The following PRELID2 variants were observed in gnomAD, a reference collection of about 807,000 sequenced individuals.
The protein encoded by PRELID2 is PRELI domain-containing protein 2.
PRELID2 carries 25 observed loss-of-function variants against 28.4 expected under a neutral mutation model. That is an observed-to-expected ratio of 0.88 (90% CI 0.64 to 1.23). The LOEUF (loss-of-function observed/expected upper bound fraction) is 1.23. Among genes scored for constraint, PRELID2 ranks in the 50% most tolerant of loss-of-function variants. PRELID2 has a pLI of 0.00. For synonymous variants in PRELID2, 76 were observed against 71.6 expected (o/e 1.06, Z -0.31); for missense variants, 201 against 214.4 (o/e 0.94, Z 0.39).
chr5:145,441,102 G>A, the PRELID2 span: 1 of 152,128 alleles, frequency 6.6e-6, no homozygotes, highest in African/African-American at 2.4e-5. Context: ...AAACGGCTGA[G>A]TCTTTCTACC....
At chr5:145,762,188 T>C (rs1328646304) in intron 6 of PRELID2, among the ~76,000 whole-genome samples, 1 of 152,218 alleles carries the variant, frequency 6.6e-6, no homozygotes, top group Non-Finnish European at 1.5e-5. Flanking sequence ...GCAACTGTCC[T>C]GTACTAAACT....
the PRELID2 span, among the ~76,000 whole-genome samples, chr5:145,441,473 C>T: frequency 1.3e-5 from 2 of 152,094 alleles, no homozygotes; most frequent in Admixed American, 1.3e-4. Context: ...TTCCACATTA[C>T]AAACTGAGTG....
chr5:145,359,160 T>C, the PRELID2 span, among the ~76,000 whole-genome samples: 4 of 152,236 alleles, frequency 2.6e-5, no homozygotes, highest in African/African-American at 7.2e-5. Context: ...CCAATTATAA[T>C]CTTTGATTAA....
intron 1 of PRELID2, among the ~76,000 whole-genome samples, chr5:145,735,187 G>A (rs1756460516): frequency 1.3e-5 from 2 of 150,560 alleles, no homozygotes; most frequent in South Asian, 4.2e-4. Context: ...AGAAGTTGCA[G>A]TGAGTTGAGA....
chr5:145,239,160 A>G, the PRELID2 span, among the ~76,000 whole-genome samples: 1 of 152,058 alleles, frequency 6.6e-6, no homozygotes, highest in Admixed American at 6.6e-5. Flanking sequence ...CCGAACTGTA[A>G]TTTCTTCAGC....
At chr5:145,454,171 A>G in the PRELID2 span, among the ~76,000 whole-genome samples, 1 of 152,188 alleles carries the variant, frequency 6.6e-6, no homozygotes, top group Non-Finnish European at 1.5e-5. Flanking sequence ...CTGGTGTGAG[A>G]TGGCATCTCA....
intron 1 of PRELID2, among the ~76,000 whole-genome samples, chr5:145,626,187 A>C (rs1753842202): frequency 6.6e-6 from 1 of 152,208 alleles, no homozygotes; most frequent in African/African-American, 2.4e-5. Flanking sequence ...AATGGGACTT[A>C]ATTAAACTTA....
At chr5:145,286,858 T>A in the PRELID2 span, among the ~76,000 whole-genome samples, 6 of 152,116 alleles carry the variant, frequency 3.9e-5, no homozygotes, top group East Asian at 1.2e-3. Context: ...TACAGGCATG[T>A]GCCACAGCAC....
At chr5:145,557,546 T>G (rs1184288589) in intron 1 of PRELID2, among the ~76,000 whole-genome samples, 1 of 152,134 alleles carries the variant, frequency 6.6e-6, no homozygotes, top group African/African-American at 2.4e-5. Flanking sequence ...GTGAATGACC[T>G]GGGTTGTCAA....
chr5:145,741,841 A>G (rs1270013414), intron 1 of PRELID2, among the ~76,000 whole-genome samples: 3 of 81,606 alleles, frequency 3.7e-5, no homozygotes, highest in African/African-American at 1.5e-4. Context: ...TATAATAAAT[A>G]TATAAAACAT....
chr5:145,536,444 A>G (rs1409710482), intron 1 of PRELID2, among the ~76,000 whole-genome samples: 2 of 151,924 alleles, frequency 1.3e-5, no homozygotes, highest in African/African-American at 2.4e-5. Flanking sequence ...ACTTTGTACA[A>G]CGAGTTCAAA....
chr5:145,619,927 C>T (rs1286702908), intron 1 of PRELID2, among the ~76,000 whole-genome samples: 5 of 152,098 alleles, frequency 3.3e-5, no homozygotes, highest in Non-Finnish European at 5.9e-5. Flanking sequence ...AACATACCCA[C>T]CAGATGGGCT....
the PRELID2 span, among the ~76,000 whole-genome samples, chr5:145,443,005 T>A: frequency 1.3e-5 from 2 of 151,964 alleles, no homozygotes; most frequent in African/African-American, 4.8e-5. Context: ...GCGCCCCCCA[T>A]GTGTCCGTTT....
chr5:145,480,120 A>G (rs1752143201), intron 1 of PRELID2, among the ~76,000 whole-genome samples: 1 of 152,224 alleles, frequency 6.6e-6, no homozygotes, highest in African/African-American at 2.4e-5. Context: ...AAGTTGCTCA[A>G]TTTACCCAGT....
intron 1 of PRELID2, among the ~76,000 whole-genome samples, chr5:145,497,538 A>C: frequency 6.6e-6 from 1 of 152,162 alleles, no homozygotes; most frequent in East Asian, 1.9e-4. Context: ...AGTGTTTTTC[A>C]GCAGTAACTT....
At chr5:145,304,903 GATAGAATA>G in the PRELID2 span, among the ~76,000 whole-genome samples, 7 of 152,152 alleles carry the variant, frequency 4.6e-5, no homozygotes, top group Admixed American at 1.3e-4. Flanking sequence ...TATGGTACCT[GATAGAATA>G]GGAACATAGT....
At chr5:145,742,421 A>C (rs1756858026) in intron 1 of PRELID2, among the ~76,000 whole-genome samples, 1 of 147,734 alleles carries the variant, frequency 6.8e-6, no homozygotes, top group Non-Finnish European at 1.5e-5. Flanking sequence ...ACTCAGTAGA[A>C]TCAAACCAGA....
chr5:145,321,641 A>G, the PRELID2 span, among the ~76,000 whole-genome samples: 1 of 152,216 alleles, frequency 6.6e-6, no homozygotes, highest in Admixed American at 6.5e-5. Context: ...GGGAATGGAA[A>G]GCACTGACGT....
At chr5:145,690,891 A>T (rs748020513) in intron 1 of PRELID2, among the ~76,000 whole-genome samples, 3 of 152,176 alleles carry the variant, frequency 2.0e-5, no homozygotes, top group Non-Finnish European at 2.9e-5. Flanking sequence ...AAGCAAATGA[A>T]AATTGTTCAG....
Sources: allele counts gnomAD v4.1 joint callset (sites outside exome capture counted in the v4.1 genomes callset), GRCh38; gene constraint gnomAD v4.1.1; transcripts MANE v1.5; gene names NCBI Gene and HGNC (gene_info 2026-07-23, HGNC 2026-07-21).